Variants in MIPOL1 observed in about 807,000 individuals in gnomAD.
MIPOL1 encodes the protein mirror-image polydactyly 1, also known as mirror-image polydactyly gene 1 protein.
MIPOL1 carries 57 observed loss-of-function variants against 60.9 expected under a neutral mutation model. The ratio of observed to expected loss-of-function variants is 0.94; its 90% CI spans 0.76 to 1.17. The LOEUF (loss-of-function observed/expected upper bound fraction) is 1.17, where lower values mean the gene tolerates loss of function less well. MIPOL1 is among the 50% of genes most tolerant of loss of function. The probability of loss-of-function intolerance (pLI) is 0.00; values close to 1 mark genes in which losing one functional copy is unlikely to be tolerated. For missense variants in MIPOL1, 551 were observed against 511.6 expected (o/e 1.08, Z -0.74); for synonymous variants, 179 against 168.8 (o/e 1.06, Z -0.47).
At chr14:37,234,992 C>T (rs1461266930) in intron 1 of MIPOL1, among the ~76,000 whole-genome samples, 2 of 148,422 alleles carry the variant, frequency 1.3e-5, no homozygotes, top group Non-Finnish European at 3.0e-5. Flanking sequence ...AGGGTTTCAC[C>T]GTGTTAGCCA....
intron 11 of MIPOL1, among the ~76,000 whole-genome samples, chr14:37,439,009 T>G (rs942527911): frequency 6.6e-6 from 1 of 152,232 alleles, no homozygotes; most frequent in African/African-American, 2.4e-5. Context: ...TATTTTGAGT[T>G]GTATATGAAT....
At chr14:37,346,837 G>C (rs534166189) in intron 9 of MIPOL1, among the ~76,000 whole-genome samples, 22 of 152,192 alleles carry the variant, frequency 1.4e-4, no homozygotes, top group Admixed American at 1.4e-3. Context: ...AAAAAAAATA[G>C]ACAACTTACT....
intron 9 of MIPOL1, among the ~76,000 whole-genome samples, chr14:37,359,135 A>T (rs944682065): frequency 6.6e-6 from 1 of 151,946 alleles, no homozygotes; most frequent in Non-Finnish European, 1.5e-5. Context: ...TCGAAGACCA[A>T]ATGGTTGTAG....
At chr14:37,389,918 A>C (rs1185830579) in intron 10 of MIPOL1, among the ~76,000 whole-genome samples, 1 of 151,852 alleles carries the variant, frequency 6.6e-6, no homozygotes, top group South Asian at 2.1e-4. Flanking sequence ...TAAGAACTAG[A>C]GGCTGGGCAC....
intron 7 of MIPOL1, among the ~76,000 whole-genome samples, chr14:37,294,968 T>C (rs547032588): frequency 6.6e-6 from 1 of 152,192 alleles, no homozygotes; most frequent in South Asian, 2.1e-4. Context: ...ACAAAGATAC[T>C]CCTCAAGAAG....
At chr14:37,479,081 A>G (rs571433835) in intron 11 of MIPOL1, among the ~76,000 whole-genome samples, 29 of 151,322 alleles carry the variant, frequency 1.9e-4, no homozygotes, top group African/African-American at 7.0e-4. Flanking sequence ...ATACCACTTT[A>G]TTTTTTTTTG....
At chr14:37,410,851 G>A (rs1045312728) in intron 10 of MIPOL1, among the ~76,000 whole-genome samples, 3 of 151,964 alleles carry the variant, frequency 2.0e-5, no homozygotes, top group Non-Finnish European at 4.4e-5. Context: ...TAAATAGGGG[G>A]AAATGGGATG....
At chr14:37,361,415 A>G (rs1390040435) in intron 9 of MIPOL1, among the ~76,000 whole-genome samples, 1 of 151,940 alleles carries the variant, frequency 6.6e-6, no homozygotes, top group Non-Finnish European at 1.5e-5. Flanking sequence ...TCAGTCTAAT[A>G]TTGACAGTGG....
At chr14:37,308,328 A>G in intron 8 of MIPOL1, 21 bp from the exon 9 acceptor site, 1 of 1,497,868 alleles carries the variant, frequency 6.7e-7, no homozygotes, top group Non-Finnish European at 8.9e-7. Flanking sequence ...ATGTCTGACT[A>G]ACATATAATG....
chr14:37,339,757 T>C (rs751739864), intron 9 of MIPOL1, among the ~76,000 whole-genome samples: 4 of 152,194 alleles, frequency 2.6e-5, no homozygotes, highest in Non-Finnish European at 5.9e-5. Flanking sequence ...AAAAGTTTCA[T>C]TGTTTTTTAT....
At chr14:37,529,629 A>G (rs1323986891) in intron 12 of MIPOL1, among the ~76,000 whole-genome samples, 2 of 152,194 alleles carry the variant, frequency 1.3e-5, no homozygotes, top group African/African-American at 4.8e-5. Context: ...GTTGTTCAGT[A>G]CAGGTAATAC....
At chr14:37,253,812 T>C (rs932775342) in intron 3 of MIPOL1, among the ~76,000 whole-genome samples, 1 of 151,686 alleles carries the variant, frequency 6.6e-6, no homozygotes, top group African/African-American at 2.4e-5. Context: ...TTAATAATAT[T>C]AATTTAGGAT....
chr14:37,384,636 C>A (rs1010895074), intron 10 of MIPOL1, among the ~76,000 whole-genome samples: 3 of 151,922 alleles, frequency 2.0e-5, no homozygotes, highest in Non-Finnish European at 2.9e-5. Context: ...CTCAAAATAA[C>A]CTCCAAGATT....
At position 37,238,952 on chromosome 14, in the gene MIPOL1, C is replaced by A. The variant is rs903759526; in HGVS notation, c.-198-8151C>A. 1.9e-4 allele frequency among the ~76,000 whole-genome samples: 27 copies of A among 144,492 alleles called. 1 individual carries two copies. The highest frequency in any genetic ancestry group is 6.2e-4 in the African/African-American group (24 of 38,994). 94.8% of individuals were successfully genotyped at this position (144,492 alleles called of 152,430 possible). A position where few individuals can be genotyped will look rare whatever the true frequency, so the allele number is the denominator to read the frequency against. ...TGGGCAACAGAATGAGACCCAGTCTCAAAAAAAAAGTAATATATATATTTA... is the reference window on the plus strand; with the variant it reads ...TGGGCAACAGAATGAGACCCAGTCTAAAAAAAAAAGTAATATATATATTTA... On this transcript the variant is annotated intron_variant, in intron 1 of 12. Coordinates refer to ENST00000684589, the MANE Select transcript of MIPOL1 (RefSeq NM_001388067.1).
At position 37,231,357 on chromosome 14, in the gene MIPOL1, G is replaced by T. The variant is rs551517790; in HGVS notation, c.-198-15746G>T. ...CCTGCTTTGGCCTTCCAAAGTGCTG[G>T]GATTACAGGCATGAGCCACTGTGCC... On this transcript the variant is annotated intron_variant, in intron 1 of 12. Transcript: ENST00000684589. 2.2e-3 allele frequency among the ~76,000 whole-genome samples: 339 copies of T among 152,236 alleles called. 1 individual carries two copies. Among genetic ancestry groups the T allele is most frequent in the African/African-American group, 7.3e-3 (305 of 41,538 alleles).
intron 9 of MIPOL1, among the ~76,000 whole-genome samples, chr14:37,327,221 A>T (rs2089246361): frequency 6.6e-6 from 1 of 152,170 alleles, no homozygotes; most frequent in Non-Finnish European, 1.5e-5. Context: ...TGTGGAAGAA[A>T]TCCAGGTAAG....
chr14:37,349,058 G>A (rs773592691), intron 9 of MIPOL1, among the ~76,000 whole-genome samples: 3 of 135,384 alleles, frequency 2.2e-5, no homozygotes, highest in Non-Finnish European at 3.1e-5. Flanking sequence ...GCAGAATCTC[G>A]GCTCACTGCA....
chr14:37,295,733 C>A (rs2085590333), intron 7 of MIPOL1, among the ~76,000 whole-genome samples: 1 of 152,158 alleles, frequency 6.6e-6, no homozygotes, highest in African/African-American at 2.4e-5. Flanking sequence ...GTAAAGGGAT[C>A]AGTTCAACAA....
intron 11 of MIPOL1, among the ~76,000 whole-genome samples, chr14:37,437,019 A>G (rs1192739585): frequency 6.6e-6 from 1 of 152,182 alleles, no homozygotes; most frequent in African/African-American, 2.4e-5. Flanking sequence ...CCCACTGACT[A>G]TTCCAAACCT....
Sources: gnomAD v4.1 joint callset for allele counts (sites outside exome capture counted in the v4.1 genomes callset) on GRCh38, gnomAD v4.1.1 for gene constraint, MANE v1.5 for transcripts, NCBI Gene and HGNC (gene_info 2026-07-23, HGNC 2026-07-21) for gene names.